Variants in TENM3 observed in about 807,000 individuals in gnomAD.
The protein encoded by TENM3 is teneurin-3.
Under a neutral mutation model 255.1 loss-of-function variants are expected in TENM3, and 63 were observed. The ratio of observed to expected loss-of-function variants is 0.25; its 90% CI spans 0.20 to 0.30. TENM3 has a LOEUF of 0.30. Among genes scored for constraint, TENM3 ranks in the 10% least tolerant of loss-of-function variants. TENM3 has a pLI of 1.00. For missense variants in TENM3, 2,929 were observed against 3,461.1 expected (o/e 0.85, Z 3.86); for synonymous variants, 1,306 against 1,322.3 (o/e 0.99, Z 0.27).
chr4:182,318,002 A>T (rs1162534898), intron 1 of TENM3, among the ~76,000 whole-genome samples: 1 of 152,206 alleles, frequency 6.6e-6, no homozygotes, highest in Admixed American at 6.5e-5. Context: ...CTGTACAAAG[A>T]ACTTAATTTA....
chr4:182,383,855 C>G (rs1767730627), intron 3 of TENM3, among the ~76,000 whole-genome samples: 1 of 152,228 alleles, frequency 6.6e-6, no homozygotes, highest in African/African-American at 2.4e-5. Flanking sequence ...AGGCTGCACA[C>G]TTACAACCAA....
At chr4:182,130,022 T>C in the TENM3 span, among the ~76,000 whole-genome samples, 3 of 152,168 alleles carry the variant, frequency 2.0e-5, no homozygotes, top group Non-Finnish European at 2.9e-5. Context: ...ACAAGGAAGT[T>C]AAAACGTCAG....
chr4:182,685,386 AT>A (rs1756497213), intron 11 of TENM3, among the ~76,000 whole-genome samples: 2 of 152,150 alleles, frequency 1.3e-5, no homozygotes, highest in South Asian at 4.1e-4. Flanking sequence ...ACAAATTGGG[AT>A]CTGGATTAGA....
upstream of TENM3, among the ~76,000 whole-genome samples, chr4:182,140,842 G>T (rs1749347256): frequency 1.3e-5 from 2 of 152,232 alleles, no homozygotes. Flanking sequence ...GTCACCTTCA[G>T]GTGGGCAGCG....
the TENM3 span, among the ~76,000 whole-genome samples, chr4:181,586,557 A>C: frequency 6.6e-6 from 1 of 152,106 alleles, no homozygotes; most frequent in African/African-American, 2.4e-5. Context: ...AACAAAACCA[A>C]AGGGCCAGGT....
chr4:181,557,777 T>C, the TENM3 span, among the ~76,000 whole-genome samples: 1 of 152,180 alleles, frequency 6.6e-6, no homozygotes, highest in Non-Finnish European at 1.5e-5. Flanking sequence ...GAGATCTGCC[T>C]GACTTGGCCT....
chr4:182,212,035 G>C (rs1755076926), intron 1 of TENM3, among the ~76,000 whole-genome samples: 1 of 152,140 alleles, frequency 6.6e-6, no homozygotes, highest in Non-Finnish European at 1.5e-5. Context: ...CAAGTAAAAT[G>C]TACAATTAGC....
At chr4:181,826,939 TC>T in the TENM3 span, among the ~76,000 whole-genome samples, 1 of 152,212 alleles carries the variant, frequency 6.6e-6, no homozygotes, top group African/African-American at 2.4e-5. Flanking sequence ...TCCTCTTCTT[TC>T]CCAGGAAAGA....
chr4:182,627,442 A>ATT (rs1391648302), intron 4 of TENM3, among the ~76,000 whole-genome samples: 3 of 152,140 alleles, frequency 2.0e-5, no homozygotes, highest in Non-Finnish European at 4.4e-5. Flanking sequence ...TATATTCAGT[A>ATT]TTTCTCCAAT....
intron 2 of TENM3, among the ~76,000 whole-genome samples, chr4:182,334,975 T>C (rs1764006160): frequency 6.6e-6 from 1 of 152,128 alleles, no homozygotes; most frequent in African/African-American, 2.4e-5. Flanking sequence ...GGCGTAAAGA[T>C]ATCATTAAGG....
At chr4:181,464,938 A>G in the TENM3 span, among the ~76,000 whole-genome samples, 1 of 152,192 alleles carries the variant, frequency 6.6e-6, no homozygotes, top group Non-Finnish European at 1.5e-5. Context: ...GGGCAACAAG[A>G]GTGAAATCAC....
intron 1 of TENM3, among the ~76,000 whole-genome samples, chr4:182,277,159 TAATA>T (rs1760058789): frequency 6.6e-6 from 1 of 152,178 alleles, no homozygotes; most frequent in Admixed American, 6.5e-5. Flanking sequence ...AACCAGGCAA[TAATA>T]GGCTTAGAAA....
the TENM3 span, among the ~76,000 whole-genome samples, chr4:182,113,402 A>G: frequency 1.3e-5 from 2 of 152,198 alleles, no homozygotes; most frequent in Admixed American, 1.3e-4. Context: ...AAGAACTCAC[A>G]GAGAGGAGAA....
At chr4:182,156,915 T>A (rs1018823056) in intron 1 of TENM3, among the ~76,000 whole-genome samples, 4 of 152,144 alleles carry the variant, frequency 2.6e-5, no homozygotes, top group Non-Finnish European at 5.9e-5. Flanking sequence ...GGAGTTTTCG[T>A]TTCTAGTTGA....
At chr4:182,291,822 G>A (rs922188426) in intron 1 of TENM3, among the ~76,000 whole-genome samples, 9 of 152,104 alleles carry the variant, frequency 5.9e-5, no homozygotes, top group East Asian at 3.9e-4. Flanking sequence ...GTGGGGTCGC[G>A]TTCCCATGGC....
chr4:182,687,824 AG>A (rs948542947), intron 11 of TENM3, among the ~76,000 whole-genome samples: 2 of 152,240 alleles, frequency 1.3e-5, no homozygotes, highest in South Asian at 2.1e-4. Flanking sequence ...TCTTGGTGAT[AG>A]GTGTATATAA....
chr4:181,969,564 G>C, the TENM3 span, among the ~76,000 whole-genome samples: 2 of 152,170 alleles, frequency 1.3e-5, no homozygotes, highest in Admixed American at 1.3e-4. Context: ...GGGAATACCT[G>C]TCTTGTCTCT....
chr4:182,394,122 G>A (rs1768633960), intron 3 of TENM3, among the ~76,000 whole-genome samples: 1 of 151,584 alleles, frequency 6.6e-6, no homozygotes, highest in Non-Finnish European at 1.5e-5. Context: ...TTATTAAGAA[G>A]GTCACCAATG....
At chr4:182,135,624 G>GT in the TENM3 span, among the ~76,000 whole-genome samples, 272 of 152,366 alleles carry the variant, frequency 1.8e-3, 2 homozygotes, top group African/African-American at 6.3e-3. Context: ...TCAAATGGGT[G>GT]TAACGGTCCA....
Sources: gnomAD v4.1 joint callset for allele counts (sites outside exome capture counted in the v4.1 genomes callset) on GRCh38, gnomAD v4.1.1 for gene constraint, MANE v1.5 for transcripts, NCBI Gene and HGNC (gene_info 2026-07-23, HGNC 2026-07-21) for gene names.